The following KCNJ15 variants were observed in gnomAD, a reference collection of about 807,000 sequenced individuals.
KCNJ15 encodes the protein potassium inwardly rectifying channel subfamily J member 15.
In KCNJ15, 14 loss-of-function variants were observed where a neutral mutation model predicts 23.0. That is an observed-to-expected ratio of 0.61 (90% CI 0.40 to 0.95). The LOEUF (loss-of-function observed/expected upper bound fraction) is 0.95. KCNJ15 is among the 40% of genes least tolerant of loss of function. The pLI is 0.00. For missense variants in KCNJ15, 388 were observed against 461.8 expected (o/e 0.84, Z 1.46); for synonymous variants, 185 against 183.2 (o/e 1.01, Z -0.08).
At chr21:38,233,472 TTCTATATGTCTCA>T (rs1344331286) in intron 1 of KCNJ15, among the ~76,000 whole-genome samples, 2 of 152,136 alleles carry the variant, frequency 1.3e-5, no homozygotes, top group Non-Finnish European at 2.9e-5. Flanking sequence ...ACTCTTTGCT[TTCTATATGTCTCA>T]TATCACATTT....
rs182772072 is a variant in KCNJ15, at chr21:38,240,692, T to C, written c.-398-16354T>C. Among the ~76,000 whole-genome samples, 6 of 152,378 alleles carry C rather than the reference T, an allele frequency of 3.9e-5. No individual in the cohort carries two copies. The East Asian group carries it at 7.7e-4, about 20-fold the overall frequency. On this transcript the variant is annotated intron_variant, in intron 1 of 4. Coordinates refer to the KCNJ15 transcript ENST00000547341. The stretch of plus-strand genomic sequence containing the variant: ...GGAATGCTCTATTACATGGATTTAG[T>C]ACATTTTTTGACCAAATAACACTTG...
intron 1 of KCNJ15, among the ~76,000 whole-genome samples, chr21:38,290,672 C>T (rs1047210351): frequency 4.6e-5 from 7 of 152,030 alleles, no homozygotes; most frequent in African/African-American, 1.7e-4. Context: ...GGTGTGGAGC[C>T]TGAGAGCCTG....
chr21:38,247,885 G>T (rs1016887089), intron 1 of KCNJ15, among the ~76,000 whole-genome samples: 2 of 152,146 alleles, frequency 1.3e-5, no homozygotes, highest in Admixed American at 6.5e-5. Context: ...GCAATCTGAG[G>T]AAGAAATCCA....
At chr21:38,290,904 C>G (rs1170761820) in intron 1 of KCNJ15, among the ~76,000 whole-genome samples, 1 of 151,788 alleles carries the variant, frequency 6.6e-6, no homozygotes, top group Non-Finnish European at 1.5e-5. Context: ...GTTACTCAAA[C>G]TTTTTGATCC....
At chr21:38,275,971 G>A (rs906050933) in intron 1 of KCNJ15, among the ~76,000 whole-genome samples, 17 of 151,978 alleles carry the variant, frequency 1.1e-4, no homozygotes, top group Non-Finnish European at 2.9e-5. Context: ...TGTGATCTAG[G>A]CAGACCTTGT....
At chr21:38,291,860 C>T (rs963115833) in intron 1 of KCNJ15, 1 of 152,228 alleles carries the variant, frequency 6.6e-6, no homozygotes, top group Non-Finnish European at 1.5e-5. Flanking sequence ...TCCAACATAC[C>T]TTGTGCTATA....
chr21:38,298,954 A>AT (rs56766756), intron 2 of KCNJ15, among the ~76,000 whole-genome samples: 15,175 of 152,198 alleles, frequency 0.1, 2,150 homozygotes, highest in African/African-American at 0.32. Flanking sequence ...TTGTATTGCC[A>AT]TTTTAAACAC....
intron 1 of KCNJ15, chr21:38,238,292 C>T (rs1978755024): frequency 2.8e-6 from 2 of 709,286 alleles, no homozygotes; most frequent in Non-Finnish European, 5.3e-6. Flanking sequence ...GCTTGATTCT[C>T]ACACACATAC....
chr21:38,288,965 G>T (rs535840071), intron 1 of KCNJ15, among the ~76,000 whole-genome samples: 1 of 152,058 alleles, frequency 6.6e-6, no homozygotes, highest in East Asian at 1.9e-4. Context: ...TTTGGGAGGC[G>T]GAGGCAGGCA....
At chr21:38,280,870 C>A (rs1194486539) in intron 1 of KCNJ15, among the ~76,000 whole-genome samples, 1 of 152,134 alleles carries the variant, frequency 6.6e-6, no homozygotes, top group East Asian at 1.9e-4. Context: ...GAATAAATTA[C>A]CTTCTATTGT....
chr21:38,294,016 C>G (rs919749446), intron 1 of KCNJ15, among the ~76,000 whole-genome samples: 1 of 152,056 alleles, frequency 6.6e-6, no homozygotes. Context: ...GGTGCATGTG[C>G]TCCTGTGACC....
intron 1 of KCNJ15, among the ~76,000 whole-genome samples, chr21:38,281,198 C>A (rs1983301476): frequency 6.6e-6 from 1 of 152,184 alleles, no homozygotes; most frequent in South Asian, 2.1e-4. Flanking sequence ...CCTCTCGCAG[C>A]ACACACAAGG....
At chr21:38,282,678 G>A (rs1344185520) in intron 1 of KCNJ15, among the ~76,000 whole-genome samples, 4 of 152,098 alleles carry the variant, frequency 2.6e-5, no homozygotes, top group East Asian at 3.9e-4. Context: ...TAAATCGGAC[G>A]CTGAGTCCCC....
chr21:38,248,602 G>A (rs188245326), intron 1 of KCNJ15, among the ~76,000 whole-genome samples: 17 of 152,296 alleles, frequency 1.1e-4, no homozygotes, highest in Admixed American at 8.5e-4. Context: ...AGGCAGCTCA[G>A]GATCTCTGCA....
At chr21:38,252,249 T>C (rs927151996), upstream of KCNJ15, among the ~76,000 whole-genome samples, 13 of 152,204 alleles carry the variant, frequency 8.5e-5, no homozygotes, top group Non-Finnish European at 1.5e-5. Context: ...TCAACAACCC[T>C]ACTTTGTCTC....
chr21:38,264,467 CT>C (rs1169924693), intron 1 of KCNJ15, among the ~76,000 whole-genome samples: 1 of 152,312 alleles, frequency 6.6e-6, no homozygotes, highest in East Asian at 1.9e-4. Context: ...GGGCTGCAAA[CT>C]CTTTGACAAT....
Position 38,299,468 on chromosome 21 carries a change from G to A in KCNJ15, c.207G>A (p.Leu69=). Reference sequence around the variant, plus strand: ...TGAAGTGGAGATACAAACTCACCCTGTTCGCTGCCACTTTTGTGATGACCT... The same window carrying A: ...TGAAGTGGAGATACAAACTCACCCTATTCGCTGCCACTTTTGTGATGACCT... ...IDMKWRYKLT[L]FAATFVMTWF... Residue 69 remains leucine (L), a synonymous_variant, in exon 3 of 3, where the codon CTG becomes CTA. Coordinates refer to ENST00000398938, the MANE Select transcript of KCNJ15 (RefSeq NM_170736.3). This position sits in a 1 kb window ranked among gnomAD's most constrained non-coding sequence, Gnocchi z 4.5. 1 of 1,614,168 alleles carries A rather than the reference G, an allele frequency of 6.2e-7. No homozygotes were observed. Among genetic ancestry groups the A allele is most frequent in the East Asian group, 2.2e-5 (1 of 44,878 alleles).
chr21:38,251,110 C>A (rs923971324), intron 1 of KCNJ15, among the ~76,000 whole-genome samples: 1 of 152,206 alleles, frequency 6.6e-6, no homozygotes, highest in African/African-American at 2.4e-5. Context: ...GCTTTCAAAG[C>A]AAGGCGGGAT....
chr21:38,275,317 A>G (rs1982554301), intron 1 of KCNJ15, among the ~76,000 whole-genome samples: 1 of 152,016 alleles, frequency 6.6e-6, no homozygotes, highest in African/African-American at 2.4e-5. Context: ...TTTAACCCGC[A>G]TCACCTTTTA....
Sources: gnomAD v4.1 joint callset for allele counts (sites outside exome capture counted in the v4.1 genomes callset) on GRCh38, gnomAD v4.1.1 for gene constraint, Gnocchi (gnomAD v3.1) non-coding constraint, MANE v1.5 for transcripts, NCBI Gene and HGNC (gene_info 2026-07-23, HGNC 2026-07-21) for gene names.